Variants in ADARB2 observed in about 807,000 individuals in gnomAD.
ADARB2 encodes inactive double-stranded RNA-specific editase B2.
A neutral mutation model predicts 62.2 loss-of-function variants in ADARB2; 25 were observed. The ratio of observed to expected loss-of-function variants is 0.40; its 90% confidence interval spans 0.29 to 0.56. The LOEUF (loss-of-function observed/expected upper bound fraction) is 0.56, where lower values mean the gene tolerates loss of function less well. Ranked by LOEUF, ADARB2 falls within the 20% of genes least tolerant of loss-of-function variation. ADARB2 has a pLI of 0.43. For missense variants in ADARB2, 1,071 were observed against 1,077.4 expected (o/e 0.99, Z 0.08); for synonymous variants, 572 against 500.8 (o/e 1.14, Z -1.90).
intron 4 of ADARB2, among the ~76,000 whole-genome samples, chr10:1,266,671 C>T (rs1433885062): frequency 6.6e-6 from 1 of 152,150 alleles, no homozygotes; most frequent in Admixed American, 6.5e-5. Context: ...TCTAACGTCT[C>T]GTTCACAAGT....
chr10:1,304,820 G>A lies in ADARB2; in HGVS notation c.1078-33751C>T, dbSNP rs573720866. ...GAAGGCAGAAATAAAGATGTTCTTTGAAACCAATGAGAACAAAGACCCAAC... is the reference window on the plus strand; with the variant it reads ...GAAGGCAGAAATAAAGATGTTCTTTAAAACCAATGAGAACAAAGACCCAAC... On this transcript the variant is annotated intron_variant, in intron 3 of 9. Transcript: ENST00000381312. 5.4e-5 allele frequency among the ~76,000 whole-genome samples: 8 copies of A among 149,444 alleles called. No individual in the cohort carries two copies. The South Asian group carries it at 6.8e-4, about 13-fold the overall frequency.
chr10:1,334,510 G>A (rs756431118), intron 3 of ADARB2, among the ~76,000 whole-genome samples: 1 of 152,124 alleles, frequency 6.6e-6, no homozygotes, highest in South Asian at 2.1e-4. Context: ...TGTATTGCAT[G>A]TTTATATGTG....
At chr10:1,509,928 C>CTTAA (rs1457881289) in intron 1 of ADARB2, among the ~76,000 whole-genome samples, 1 of 152,160 alleles carries the variant, frequency 6.6e-6, no homozygotes, top group Non-Finnish European at 1.5e-5. Context: ...TAAAATTATG[C>CTTAA]TTTAATGCTT....
chr10:1,215,169 G>A (rs1329403465), intron 7 of ADARB2, among the ~76,000 whole-genome samples: 1 of 152,216 alleles, frequency 6.6e-6, no homozygotes, highest in Non-Finnish European at 1.5e-5. Context: ...ACGGGCCAGG[G>A]CCCAGCACTC....
rs1285947375 is a variant in ADARB2 at position 1,369,784 on chromosome 10, C to A, written c.188-5867G>T. Among the ~76,000 whole-genome samples the A allele has an allele frequency of 2.0e-5, 3 of 152,222 alleles. No homozygotes were observed. The East Asian group carries it at 5.8e-4, about 29-fold the overall frequency. ...CTGAGTCATCCCCTCTGTCTCTGAT[C>A]CCTAGAGCAGGCACACTGAGCTTTT... On this transcript the variant is annotated intron_variant, in intron 2 of 9. Transcript: ENST00000381312.
At chr10:1,347,518 C>T (rs1199834742) in intron 3 of ADARB2, among the ~76,000 whole-genome samples, 2 of 152,210 alleles carry the variant, frequency 1.3e-5, no homozygotes, top group African/African-American at 2.4e-5. Context: ...AGACTAAGCT[C>T]ACCACCTTCT....
chr10:1,384,971 T>A (rs904066513), intron 1 of ADARB2, among the ~76,000 whole-genome samples: 2 of 152,142 alleles, frequency 1.3e-5, no homozygotes, highest in Non-Finnish European at 2.9e-5. Flanking sequence ...ACTGAAGAGC[T>A]AGGATTCAGC....
chr10:1,674,036 G>T (rs1217759350), intron 1 of ADARB2, among the ~76,000 whole-genome samples: 1 of 152,232 alleles, frequency 6.6e-6, no homozygotes, highest in African/African-American at 2.4e-5. Flanking sequence ...TCAGAGAGAG[G>T]TTCTACAGGA....
intron 1 of ADARB2, among the ~76,000 whole-genome samples, chr10:1,484,013 A>G (rs968646096): frequency 6.6e-6 from 1 of 152,034 alleles, no homozygotes; most frequent in African/African-American, 2.4e-5. Flanking sequence ...GTCTCTCCCC[A>G]TTGACTTTGC....
rs148151328 is a variant in ADARB2 at position 1,490,990 on chromosome 10, C to A, written c.101-111830G>T. On this transcript the variant is annotated intron_variant, in intron 1 of 9. Transcript: ENST00000381312. ...GCAGGTGCTTCATATCTCTTAGGAA[C>A]AATGAAAAAGTAACTGGCCAGAGGA... 7.2e-3 allele frequency among the ~76,000 whole-genome samples: 1,097 copies of A among 152,308 alleles called. 15 individuals carry two copies. Among genetic ancestry groups the A allele is most frequent in the African/African-American group, 0.025 (1,050 of 41,566 alleles).
At chr10:1,465,202 C>G in intron 1 of ADARB2, among the ~76,000 whole-genome samples, 1 of 152,152 alleles carries the variant, frequency 6.6e-6, no homozygotes. Flanking sequence ...GAGGTGAAGC[C>G]ATGGTCTGTA....
At position 1,255,874 on chromosome 10, in the gene ADARB2, C is replaced by T. The variant is rs1292055320; in HGVS notation, c.1193-13575G>A. On this transcript the variant is annotated intron_variant, in intron 4 of 9. Coordinates refer to ENST00000381312, the MANE Select transcript of ADARB2 (RefSeq NM_018702.4). This position sits in a 1 kb window ranked among gnomAD's most constrained non-coding sequence, Gnocchi z 4.7. ...AGTTGGGCCCTGACACAGGCAGCATCCAGGCAGGCAAGCACATTGACAACC... is the reference window on the plus strand; with the variant it reads ...AGTTGGGCCCTGACACAGGCAGCATTCAGGCAGGCAAGCACATTGACAACC... Among the ~76,000 whole-genome samples, 1 of 152,174 alleles carries T rather than the reference C, an allele frequency of 6.6e-6. No homozygotes were observed.
chr10:1,588,211 C>T (rs1833204848), intron 1 of ADARB2, among the ~76,000 whole-genome samples: 1 of 152,146 alleles, frequency 6.6e-6, no homozygotes, highest in African/African-American at 2.4e-5. Flanking sequence ...CCAATCCCTC[C>T]AGTTGCTGCC....
intron 3 of ADARB2, among the ~76,000 whole-genome samples, chr10:1,339,684 G>T (rs115022424): frequency 6.6e-6 from 1 of 152,170 alleles, no homozygotes; most frequent in Non-Finnish European, 1.5e-5. Flanking sequence ...GAGCAGCAGC[G>T]ATCTGCAGAG....
At chr10:1,310,756 C>T (rs1564253818) in intron 3 of ADARB2, among the ~76,000 whole-genome samples, 1 of 152,154 alleles carries the variant, frequency 6.6e-6, no homozygotes, top group Non-Finnish European at 1.5e-5. Context: ...GCCTCAATCT[C>T]CTGTCCCGTT....
At position 1,736,953 on chromosome 10, in the gene ADARB2, C is replaced by T. The variant is rs796996527; in HGVS notation, c.100+98G>A. The T allele has an allele frequency of 1.2e-5, 15 of 1,252,728 alleles. No individual in the cohort carries two copies. The African/African-American group carries it at 1.3e-4, about 11-fold the overall frequency. The allele number at this position is 1,252,728 out of a possible 1,614,324, so 77.6% of individuals were successfully genotyped here. On this transcript the variant is annotated intron_variant, in intron 1 of 9. Coordinates refer to ENST00000381312, the MANE Select transcript of ADARB2 (RefSeq NM_018702.4). ...ATCCCGCCAGCACCCCAAAGTGAAG[C>T]TGCTCACAACGGACAAGCCCGGAGA...
intron 1 of ADARB2, among the ~76,000 whole-genome samples, chr10:1,699,212 A>C (rs1834789179): frequency 6.6e-6 from 1 of 151,534 alleles, no homozygotes; most frequent in Non-Finnish European, 1.5e-5. Flanking sequence ...ACGCAATCCC[A>C]CTCTACCAGG....
intron 1 of ADARB2, among the ~76,000 whole-genome samples, chr10:1,532,536 G>A (rs1832259152): frequency 6.6e-6 from 1 of 152,106 alleles, no homozygotes; most frequent in Admixed American, 6.5e-5. Context: ...TTGACCAGGG[G>A]AAGGTGCGAT....
At chr10:1,412,152 G>A (rs368186175) in intron 1 of ADARB2, among the ~76,000 whole-genome samples, 2 of 152,118 alleles carry the variant, frequency 1.3e-5, no homozygotes, top group African/African-American at 4.8e-5. Context: ...CCTTTTCTCC[G>A]CTGAGCTGAG....
Sources: gnomAD v4.1 joint callset for allele counts (sites outside exome capture counted in the v4.1 genomes callset) on GRCh38, gnomAD v4.1.1 for gene constraint, Gnocchi (gnomAD v3.1) non-coding constraint, MANE v1.5 for transcripts, NCBI Gene and HGNC (gene_info 2026-07-23, HGNC 2026-07-21) for gene names.